RBFOX1: variants seen among roughly 807,000 people sequenced by gnomAD.
The protein encoded by RBFOX1 is RNA binding fox-1 homolog 1, also known as RNA binding protein fox-1 homolog 1.
RBFOX1 carries 8 observed loss-of-function variants against 57.7 expected under a neutral mutation model. That is an observed-to-expected ratio of 0.14 (90% CI 0.08 to 0.25). The LOEUF (loss-of-function observed/expected upper bound fraction) is 0.25. RBFOX1 is among the 10% of genes least tolerant of loss of function. The pLI is 1.00. For missense variants in RBFOX1, 611 were observed against 548.5 expected, an observed-to-expected ratio of 1.11 and a Z score of -1.14; for synonymous variants, 326 against 222.4, an observed-to-expected ratio of 1.47 and a Z score of -4.15.
chr16:6,611,743 CTGAA>C (rs750437241), intron 2 of RBFOX1, among the ~76,000 whole-genome samples: 14 of 152,160 alleles, frequency 9.2e-5, no homozygotes, highest in Non-Finnish European at 1.9e-4. Context: ...AGTGGAAACT[CTGAA>C]TGCAGGAGAA....
chr16:5,997,642 G>A (rs1452607083), intron 4 of RBFOX1, among the ~76,000 whole-genome samples: 2 of 152,124 alleles, frequency 1.3e-5, no homozygotes, highest in Non-Finnish European at 2.9e-5. Context: ...ATTATGCCAA[G>A]GAAAACAAAA....
chr16:7,182,938 G>A (rs376270912), intron 4 of RBFOX1, among the ~76,000 whole-genome samples: 4 of 152,060 alleles, frequency 2.6e-5, no homozygotes, highest in African/African-American at 9.7e-5. Context: ...TATTTTCTTT[G>A]TTGCTTGTTT....
intron 4 of RBFOX1, among the ~76,000 whole-genome samples, chr16:7,296,525 A>G (rs973478111): frequency 3.9e-5 from 6 of 152,294 alleles, no homozygotes; most frequent in Non-Finnish European, 8.8e-5. Flanking sequence ...CATTTTACAG[A>G]TGAAAAAAAC....
At chr16:5,982,564 C>T (rs180989206) in intron 4 of RBFOX1, among the ~76,000 whole-genome samples, 1 of 152,342 alleles carries the variant, frequency 6.6e-6, no homozygotes, top group East Asian at 1.9e-4. Context: ...GCGTGAGCCA[C>T]TGTGCCCAGC....
intron 3 of RBFOX1, among the ~76,000 whole-genome samples, chr16:6,724,355 G>A (rs1041203486): frequency 3.3e-5 from 5 of 151,920 alleles, no homozygotes; most frequent in African/African-American, 9.7e-5. Context: ...GATTACAGGT[G>A]CACTCCAGCA....
At chr16:6,275,713 A>G (rs1305488783) in intron 1 of RBFOX1, among the ~76,000 whole-genome samples, 3 of 152,222 alleles carry the variant, frequency 2.0e-5, no homozygotes. Flanking sequence ...CTTTGGAGGA[A>G]TTAACAGTTT....
At chr16:6,701,042 G>C (rs34455162) in intron 3 of RBFOX1, among the ~76,000 whole-genome samples, 11,379 of 152,056 alleles carry the variant, frequency 0.075, 545 homozygotes, top group African/African-American at 0.14. Context: ...CAGAGGGGGG[G>C]GTGAGTCAGA....
intron 4 of RBFOX1, among the ~76,000 whole-genome samples, chr16:7,209,734 G>T (rs879503160): frequency 1.3e-5 from 2 of 152,138 alleles, no homozygotes; most frequent in African/African-American, 2.4e-5. Context: ...AACCTTTGTG[G>T]GGGCAGGAGT....
Position 7,518,296 on chromosome 16 carries a change from C to G in RBFOX1, c.177C>G (p.Pro59=). 6.2e-7 allele frequency: 1 copy of G among 1,614,136 alleles called. No individual in the cohort carries two copies. The highest frequency in any genetic ancestry group is 1.3e-5 in the African/African-American group (1 of 75,060). Residue 59 remains proline (P), a synonymous_variant, in exon 5 of 16, where the codon CCC becomes CCG. Transcript: ENST00000550418. ...APEYTGQTTV[P]EHTLNLYPPA... is the part of the protein sequence containing the mutation. ...AGTACACAGGCCAGACCACGGTTCC[C>G]GAGCACACATTAAACCTGTACCCTC...
chr16:7,664,749 A>C, intron 12 of RBFOX1, 180 bp from the exon 13 acceptor site: 1 of 1,095,374 alleles, frequency 9.1e-7, no homozygotes, highest in Admixed American at 2.5e-5. Flanking sequence ...GCCCGGCCTA[A>C]TTTTCTCGGT....
intron 14 of RBFOX1, among the ~76,000 whole-genome samples, chr16:7,697,088 C>G (rs932739494): frequency 6.6e-6 from 1 of 152,128 alleles, no homozygotes; most frequent in Non-Finnish European, 1.5e-5. Context: ...TGTAATCTGA[C>G]TTTAATGATC....
At chr16:6,230,045 C>A (rs1029681608) in intron 1 of RBFOX1, among the ~76,000 whole-genome samples, 53 of 151,864 alleles carry the variant, frequency 3.5e-4, no homozygotes, top group African/African-American at 1.2e-3. Flanking sequence ...GTCAAGACTA[C>A]ACTTACATGA....
At chr16:5,554,811 C>T (rs968707921) in intron 2 of RBFOX1, among the ~76,000 whole-genome samples, 1 of 152,170 alleles carries the variant, frequency 6.6e-6, no homozygotes, top group African/African-American at 2.4e-5. Context: ...TTAATTAATT[C>T]ATTTGTCTTT....
chr16:7,600,624 T>A (rs776488326), intron 9 of RBFOX1, among the ~76,000 whole-genome samples: 16 of 152,296 alleles, frequency 1.1e-4, no homozygotes, highest in Admixed American at 4.6e-4. Context: ...TCAGCAAAAT[T>A]ATAAATTACT....
Position 6,019,454 on chromosome 16 carries a change from C to A in RBFOX1, c.-665C>A, listed in dbSNP as rs955253179. 3 of 991,898 alleles carry A rather than the reference C, an allele frequency of 3.0e-6. No individual in the cohort carries two copies. Among genetic ancestry groups the A allele is most frequent in the African/African-American group, 1.7e-5 (1 of 57,468 alleles). The allele number at this position is 991,898 out of a possible 1,614,324, so 61.4% of individuals were successfully genotyped here. A position where few individuals can be genotyped will look rare whatever the true frequency, so the allele number is the denominator to read the frequency against. On this transcript the variant is annotated 5_prime_UTR_variant, in exon 1 of 16. Coordinates refer to ENST00000550418, the MANE Select transcript of RBFOX1 (RefSeq NM_018723.4). This position sits in a 1 kb window ranked among gnomAD's most constrained non-coding sequence, Gnocchi z 4.2. ...AGGGGCCGCGTCGGGTGGGGAAACC[C>A]GAACTCGCGGAGGGGAATCCCTCCC...
chr16:6,516,419 T>C (rs2096379301), intron 2 of RBFOX1, among the ~76,000 whole-genome samples: 1 of 152,222 alleles, frequency 6.6e-6, no homozygotes, highest in African/African-American at 2.4e-5. Context: ...AAGGTGATCA[T>C]GGAACACTTA....
rs563605267 is a variant in RBFOX1 at position 6,468,143 on chromosome 16, T to C, written c.-64+151086T>C. 9.9e-4 allele frequency among the ~76,000 whole-genome samples: 151 copies of C among 152,112 alleles called. 1 individual carries two copies. The highest frequency in any genetic ancestry group is 7.2e-4 in the Non-Finnish European group (49 of 68,018). Reference sequence around the variant, plus strand: ...GAAGTCAGCCCTTTACTGTGCAATGTGGGATAGAATTCTAACACCTCCAGT... The same window carrying C: ...GAAGTCAGCCCTTTACTGTGCAATGCGGGATAGAATTCTAACACCTCCAGT... On this transcript the variant is annotated intron_variant, in intron 2 of 15. Coordinates refer to ENST00000550418, the MANE Select transcript of RBFOX1 (RefSeq NM_018723.4).
intron 3 of RBFOX1, among the ~76,000 whole-genome samples, chr16:6,819,027 A>G (rs903044449): frequency 6.6e-6 from 1 of 152,200 alleles, no homozygotes; most frequent in African/African-American, 2.4e-5. Context: ...TAAGTAACAG[A>G]GATGGACTAT....
At chr16:6,822,354 C>G (rs1347583223) in intron 3 of RBFOX1, among the ~76,000 whole-genome samples, 1 of 152,182 alleles carries the variant, frequency 6.6e-6, no homozygotes, top group Non-Finnish European at 1.5e-5. Context: ...ATTCTGTGGT[C>G]TGTTACTGTC....
Sources: gnomAD v4.1 joint callset for allele counts (sites outside exome capture counted in the v4.1 genomes callset) on GRCh38, gnomAD v4.1.1 for gene constraint, Gnocchi (gnomAD v3.1) non-coding constraint, MANE v1.5 for transcripts, NCBI Gene and HGNC (gene_info 2026-07-23, HGNC 2026-07-21) for gene names.